Variants in FCHSD2 observed in about 807,000 individuals in gnomAD.
The protein encoded by FCHSD2 is FCH and double SH3 domains 2.
Under a neutral mutation model 108.1 loss-of-function variants are expected in FCHSD2, and 38 were observed. The ratio of observed to expected loss-of-function variants is 0.35; its 90% CI spans 0.27 to 0.46. The LOEUF is 0.46. Ranked by LOEUF, FCHSD2 falls within the 20% of genes least tolerant of loss-of-function variation. The pLI, the probability that FCHSD2 is intolerant of heterozygous loss-of-function variation, is 1.00. For synonymous variants in FCHSD2, 279 were observed against 314.7 expected (o/e 0.89, Z 1.20); for missense variants, 751 against 897.8 (o/e 0.84, Z 2.09).
In FCHSD2 at chr11:72,838,581, A is replaced by G; in HGVS notation, c.*210T>C. On this transcript the variant is annotated 3_prime_UTR_variant, in exon 20 of 20. Coordinates refer to ENST00000409418, the MANE Select transcript of FCHSD2 (RefSeq NM_014824.3). ...CCGCTAGGATTTGTGCTATGGTAGG[A>G]GAAATGACATAGAAAATGACAACAA... The G allele has an allele frequency of 1.0e-5, 6 of 585,224 alleles. No homozygotes were observed. The highest frequency in any genetic ancestry group is 1.8e-5 in the Non-Finnish European group (6 of 327,442). 36.3% of individuals were successfully genotyped at this position (585,224 alleles called of 1,614,324 possible). A position where few individuals can be genotyped will look rare whatever the true frequency, so the allele number is the denominator to read the frequency against.
intron 2 of FCHSD2, among the ~76,000 whole-genome samples, chr11:73,139,313 T>C (rs542647837): frequency 4.6e-5 from 7 of 152,340 alleles, no homozygotes; most frequent in Non-Finnish European, 1.0e-4. Flanking sequence ...GAAATAAGAA[T>C]TGCAGCCACT....
chr11:73,020,738 G>A (rs1301898657), intron 3 of FCHSD2, among the ~76,000 whole-genome samples: 1 of 151,400 alleles, frequency 6.6e-6, no homozygotes, highest in Non-Finnish European at 1.5e-5. Flanking sequence ...ATAATTTCAT[G>A]ACGAAATGAA....
chr11:73,039,561 T>C (rs1443460539), intron 3 of FCHSD2, among the ~76,000 whole-genome samples: 2 of 151,896 alleles, frequency 1.3e-5, no homozygotes, highest in East Asian at 1.9e-4. Context: ...ATATGTCACA[T>C]GTAAGTTTGT....
At chr11:73,078,965 T>C (rs965572508) in intron 3 of FCHSD2, among the ~76,000 whole-genome samples, 3 of 152,178 alleles carry the variant, frequency 2.0e-5, no homozygotes, top group African/African-American at 7.2e-5. Flanking sequence ...GTGATCAATA[T>C]GATCTGGCCT....
At chr11:73,009,998 C>T (rs557785507) in intron 4 of FCHSD2, among the ~76,000 whole-genome samples, 70 of 152,254 alleles carry the variant, frequency 4.6e-4, no homozygotes, top group Non-Finnish European at 8.5e-4. Context: ...ATTTTTCTAA[C>T]CTTCCCTTCC....
At chr11:73,107,646 T>C (rs1165964375) in intron 2 of FCHSD2, among the ~76,000 whole-genome samples, 1 of 152,244 alleles carries the variant, frequency 6.6e-6, no homozygotes, top group Non-Finnish European at 1.5e-5. Flanking sequence ...TCGAGTTCCA[T>C]GAGTTCAAAT....
chr11:73,080,749 G>C (rs1436934222), intron 3 of FCHSD2, among the ~76,000 whole-genome samples: 1 of 152,038 alleles, frequency 6.6e-6, no homozygotes, highest in African/African-American at 2.4e-5. Flanking sequence ...TTCAAAACCA[G>C]CCTGGACAAC....
At chr11:72,841,374 GT>G (rs201145516) in intron 18 of FCHSD2, 79 bp downstream of exon 18, 199 of 754,740 alleles carry the variant, frequency 2.6e-4, no homozygotes, top group Middle Eastern at 7.1e-4. Flanking sequence ...AGCAAATGCA[GT>G]TTTTTTTTGC....
chr11:73,096,499 C>T (rs1307912541), intron 2 of FCHSD2, among the ~76,000 whole-genome samples: 1 of 151,672 alleles, frequency 6.6e-6, no homozygotes, highest in Non-Finnish European at 1.5e-5. Context: ...TGCAGTGAGC[C>T]GAGATTGTGC....
At chr11:73,078,151 T>C (rs1403798569) in intron 3 of FCHSD2, among the ~76,000 whole-genome samples, 1 of 152,212 alleles carries the variant, frequency 6.6e-6, no homozygotes, top group East Asian at 1.9e-4. Flanking sequence ...GATACTACTA[T>C]ATACTCACCA....
chr11:72,884,465 G>A lies in FCHSD2; in HGVS notation c.1146+3005C>T, dbSNP rs147356248. ...GAGGTAATATAAATTTGGAAATAAT[G>A]TGATTAGAAATATATATATATCTGT... On this transcript the variant is annotated intron_variant, in intron 12 of 19. Coordinates refer to ENST00000409418, the MANE Select transcript of FCHSD2 (RefSeq NM_014824.3). 2.7e-3 allele frequency among the ~76,000 whole-genome samples: 405 copies of A among 149,870 alleles called. 2 individuals carry two copies. The highest frequency in any genetic ancestry group is 9.6e-3 in the African/African-American group (393 of 41,000).
intron 3 of FCHSD2, among the ~76,000 whole-genome samples, chr11:73,028,704 T>G (rs926229607): frequency 6.6e-6 from 1 of 152,182 alleles, no homozygotes; most frequent in African/African-American, 2.4e-5. Flanking sequence ...TCAACTGGAA[T>G]TGTAATCCCC....
intron 1 of FCHSD2, among the ~76,000 whole-genome samples, chr11:73,140,625 A>C (rs1444440571): frequency 4.6e-5 from 7 of 152,240 alleles, no homozygotes; most frequent in African/African-American, 1.7e-4. Flanking sequence ...GCGAAAAAGC[A>C]CACTGTCTCA....
At chr11:72,890,051 A>G in intron 10 of FCHSD2, 106 bp from the exon 11 acceptor site, 2 of 665,274 alleles carry the variant, frequency 3.0e-6, no homozygotes, top group East Asian at 2.7e-5. Context: ...CACTCAAAAC[A>G]TGAGGCACGC....
chr11:72,914,352 G>A (rs6421714), intron 9 of FCHSD2, among the ~76,000 whole-genome samples: 151,851 of 152,326 alleles, frequency 1, 75,689 homozygotes, highest in Middle Eastern at 1. Flanking sequence ...TATTCCCATT[G>A]AACTACCATT....
intron 3 of FCHSD2, among the ~76,000 whole-genome samples, chr11:73,046,062 C>T (rs1858757951): frequency 6.7e-6 from 1 of 149,702 alleles, no homozygotes; most frequent in Non-Finnish European, 1.5e-5. Context: ...AGGATCATAG[C>T]TCACTGCCAC....
Position 73,069,722 on chromosome 11 carries a change from T to C in FCHSD2, c.165+13973A>G, listed in dbSNP as rs1027711429. 3.3e-5 allele frequency among the ~76,000 whole-genome samples: 5 copies of C among 152,132 alleles called. No homozygotes were observed. In the East Asian group the frequency reaches 7.7e-4, roughly 23 times the overall value. On this transcript the variant is annotated intron_variant, in intron 3 of 19. Transcript: ENST00000409418. ...TAAAAAGAGATAGATACAAATAATG[T>C]TGAAGAAGCAATATTTACAGAAATG...
chr11:72,991,572 G>A (rs1260295294), intron 5 of FCHSD2, among the ~76,000 whole-genome samples: 12 of 151,930 alleles, frequency 7.9e-5, no homozygotes. Flanking sequence ...CTGATCAAGT[G>A]GGCTTCATCC....
At chr11:72,933,990 T>A (rs892031859) in intron 8 of FCHSD2, among the ~76,000 whole-genome samples, 1 of 150,394 alleles carries the variant, frequency 6.6e-6, no homozygotes, top group Non-Finnish European at 1.5e-5. Flanking sequence ...GTGGCTGTAG[T>A]CCCAGCTATT....
Sources: gnomAD v4.1 joint callset for allele counts (sites outside exome capture counted in the v4.1 genomes callset) on GRCh38, gnomAD v4.1.1 for gene constraint, MANE v1.5 for transcripts, NCBI Gene and HGNC (gene_info 2026-07-23, HGNC 2026-07-21) for gene names.